GATA4: variants seen among roughly 807,000 people sequenced by gnomAD.
The protein encoded by GATA4 is transcription factor GATA-4.
In GATA4, 7 loss-of-function variants were observed where a neutral mutation model predicts 37.9. The ratio of observed to expected loss-of-function variants is 0.18; its 90% confidence interval spans 0.11 to 0.35. The LOEUF is 0.35. GATA4 is among the 10% of genes least tolerant of loss of function. The probability of loss-of-function intolerance (pLI) is 1.00; values close to 1 mark genes in which losing one functional copy is unlikely to be tolerated. For synonymous variants in GATA4, 372 were observed against 292.6 expected, an observed-to-expected ratio of 1.27 and a Z score of -2.77; for missense variants, 647 against 653.0, an observed-to-expected ratio of 0.99 and a Z score of 0.10.
intron 4 of GATA4, 138 bp downstream of exon 4, chr8:11,750,374 T>A: frequency 8.2e-7 from 1 of 1,217,068 alleles, no homozygotes; most frequent in Non-Finnish European, 1.2e-6. Context: ...GGCTTTCAAC[T>A]ACTTTGCTGG....
At chr8:11,742,601 G>T (rs1428946449) in intron 2 of GATA4, among the ~76,000 whole-genome samples, 2 of 152,220 alleles carry the variant, frequency 1.3e-5, no homozygotes, top group Admixed American at 1.3e-4. Flanking sequence ...TTCAGCAGCT[G>T]CAGGAGCTTC....
At chr8:11,730,845 G>C (rs962365977) in intron 2 of GATA4, among the ~76,000 whole-genome samples, 1 of 152,220 alleles carries the variant, frequency 6.6e-6, no homozygotes, top group Non-Finnish European at 1.5e-5. Context: ...CGAGGCTGGC[G>C]GGACCTAGGT....
At chr8:11,683,795 A>G (rs148423625) in intron 1 of GATA4, among the ~76,000 whole-genome samples, 1 of 152,182 alleles carries the variant, frequency 6.6e-6, no homozygotes, top group Admixed American at 6.5e-5. Flanking sequence ...CCAGCCTTCC[A>G]TTCAGTGCAG....
intron 4 of GATA4, among the ~76,000 whole-genome samples, chr8:11,751,369 A>G (rs550436917): frequency 3.9e-5 from 6 of 152,322 alleles, no homozygotes; most frequent in African/African-American, 7.2e-5. Flanking sequence ...CCACATATAC[A>G]GAACACCTCT....
chr8:11,677,008 G>C (rs781395030), exon 1 of GATA4: 1 of 152,340 alleles, frequency 6.6e-6, no homozygotes, highest in Non-Finnish European at 1.5e-5. Flanking sequence ...TCCCTGTGCA[G>C]AGTTTGCCTC....
upstream of GATA4, among the ~76,000 whole-genome samples, chr8:11,687,750 G>A (rs941110490): frequency 6.6e-6 from 1 of 152,170 alleles, no homozygotes; most frequent in African/African-American, 2.4e-5. Flanking sequence ...ACAGGAGATT[G>A]TCTACATGAG....
intron 2 of GATA4, among the ~76,000 whole-genome samples, chr8:11,729,555 C>A (rs1287245809): frequency 9.6e-4 from 134 of 139,688 alleles, no homozygotes; most frequent in Middle Eastern, 3.6e-3. Context: ...GACTGTGTCT[C>A]AAAAAAAAAA....
At chr8:11,686,862 G>A (rs965259613) in intron 1 of GATA4, among the ~76,000 whole-genome samples, 4 of 152,118 alleles carry the variant, frequency 2.6e-5, no homozygotes, top group African/African-American at 9.7e-5. Context: ...CCTGGGCATG[G>A]TGGGGCGCGC....
At chr8:11,704,018 T>A (rs1799779401), upstream of GATA4, 1 of 152,288 alleles carries the variant, frequency 6.6e-6, no homozygotes. Context: ...TTGGGCATTT[T>A]CCGCGGAGAC....
At chr8:11,717,901 G>T (rs1800508435) in intron 2 of GATA4, among the ~76,000 whole-genome samples, 1 of 152,222 alleles carries the variant, frequency 6.6e-6, no homozygotes, top group Non-Finnish European at 1.5e-5. Flanking sequence ...GAACTAAAGA[G>T]ACTTCCCAGG....
intron 2 of GATA4, among the ~76,000 whole-genome samples, chr8:11,729,319 CAGCACTTTGGGAGGCCAGGGTGA>C: frequency 6.6e-6 from 1 of 152,260 alleles, no homozygotes; most frequent in East Asian, 1.9e-4. Flanking sequence ...CCTGTAATCC[CAGCACTTTGGGAGGCCAGGGTGA>C]ACGGATCACG....
chr8:11,727,243 C>A (rs971665645), intron 2 of GATA4, among the ~76,000 whole-genome samples: 6 of 152,140 alleles, frequency 3.9e-5, no homozygotes, highest in African/African-American at 1.4e-4. Context: ...AGTTTCCTCC[C>A]CTGTGTAAAC....
At chr8:11,733,379 G>A (rs1801300656) in intron 2 of GATA4, among the ~76,000 whole-genome samples, 1 of 152,204 alleles carries the variant, frequency 6.6e-6, no homozygotes, top group African/African-American at 2.4e-5. Flanking sequence ...AGGGGAACTT[G>A]CCTTATCAGA....
At chr8:11,683,878 G>T (rs1275478430) in intron 1 of GATA4, among the ~76,000 whole-genome samples, 2 of 152,172 alleles carry the variant, frequency 1.3e-5, no homozygotes, top group African/African-American at 4.8e-5. Context: ...TACAGCTCCC[G>T]GGTGGGCTTC....
intron 4 of GATA4, among the ~76,000 whole-genome samples, chr8:11,752,502 A>T (rs767284375): frequency 5.9e-5 from 9 of 152,238 alleles, no homozygotes; most frequent in Non-Finnish European, 1.0e-4. Context: ...CACTATAGTG[A>T]GAACAGTATG....
At chr8:11,712,547 G>A (rs932715078) in intron 2 of GATA4, among the ~76,000 whole-genome samples, 4 of 151,530 alleles carry the variant, frequency 2.6e-5, no homozygotes, top group African/African-American at 9.7e-5. Flanking sequence ...CCATTTTATA[G>A]GAAAAAAAAG....
intron 1 of GATA4, among the ~76,000 whole-genome samples, chr8:11,686,949 G>C (rs530654791): frequency 2.0e-5 from 3 of 151,138 alleles, no homozygotes; most frequent in Non-Finnish European, 4.4e-5. Context: ...AGTGAAGCGA[G>C]ATTGCGCCAT....
chr8:11,679,710 C>A (rs911795775), intron 1 of GATA4, among the ~76,000 whole-genome samples: 3 of 152,270 alleles, frequency 2.0e-5, no homozygotes, highest in African/African-American at 7.2e-5. Flanking sequence ...ACAGTCCTAG[C>A]CCTGCACTGA....
chr8:11,758,995 TG>T lies in GATA4; in HGVS notation c.*524del, dbSNP rs1249036989. On this transcript the variant is annotated 3_prime_UTR_variant, in exon 7 of 7. Transcript: ENST00000532059. ...AATACCAAATCTGACTCCAAAATTG[TG>T]GGGTGTGACATACAAGTGACTGAAC... is the stretch of plus-strand genomic sequence containing the variant. 4 of 204,602 alleles carry T rather than the reference TG, an allele frequency of 2.0e-5. No homozygotes were observed. The highest frequency in any genetic ancestry group is 4.0e-5 in the Non-Finnish European group (4 of 99,342). The allele number at this position is 204,602 out of a possible 1,614,324, so 12.7% of individuals were successfully genotyped here. A position where few individuals can be genotyped will look rare whatever the true frequency, so the allele number is the denominator to read the frequency against.
Sources: gnomAD v4.1 joint callset for allele counts (sites outside exome capture counted in the v4.1 genomes callset) on GRCh38, gnomAD v4.1.1 for gene constraint, MANE v1.5 for transcripts, NCBI Gene and HGNC (gene_info 2026-07-23, HGNC 2026-07-21) for gene names.